The following PBX1 variants were observed in gnomAD, a reference collection of about 807,000 sequenced individuals.
PBX1 encodes pre-B-cell leukemia transcription factor 1.
Under a neutral mutation model 53.4 loss-of-function variants are expected in PBX1, and 6 were observed. The ratio of observed to expected loss-of-function variants is 0.11; its 90% CI spans 0.06 to 0.22. PBX1 has a LOEUF of 0.22. Ranked by LOEUF, PBX1 falls within the 10% of genes least tolerant of loss-of-function variation. PBX1 has a pLI of 1.00. For synonymous variants in PBX1, 204 were observed against 212.3 expected, an observed-to-expected ratio of 0.96 and a Z score of 0.34; for missense variants, 251 against 551.4, an observed-to-expected ratio of 0.46 and a Z score of 5.46.
chr1:164,884,944 A>G (rs1374010639), intron 2 of PBX1, among the ~76,000 whole-genome samples: 1 of 152,242 alleles, frequency 6.6e-6, no homozygotes, highest in Non-Finnish European at 1.5e-5. Context: ...TTAAGAAAGC[A>G]AGAGTTGTGC....
intron 2 of PBX1, among the ~76,000 whole-genome samples, chr1:164,780,855 C>A (rs1667901254): frequency 6.6e-6 from 1 of 152,148 alleles, no homozygotes; most frequent in African/African-American, 2.4e-5. Flanking sequence ...TTATTTACTG[C>A]CTCTTGTCCA....
intron 2 of PBX1, among the ~76,000 whole-genome samples, chr1:164,859,553 T>C (rs1034086813): frequency 5.9e-5 from 9 of 152,232 alleles, no homozygotes; most frequent in African/African-American, 2.2e-4. Context: ...ACTCCCTCTT[T>C]GGGACTTTCT....
intron 2 of PBX1, among the ~76,000 whole-genome samples, chr1:164,630,424 G>A (rs976909822): frequency 1.3e-5 from 2 of 152,062 alleles, no homozygotes; most frequent in Admixed American, 1.3e-4. Context: ...TTGACTAGTG[G>A]TTATGCTGTT....
At chr1:164,737,055 G>T (rs1665332969) in intron 2 of PBX1, among the ~76,000 whole-genome samples, 1 of 152,228 alleles carries the variant, frequency 6.6e-6, no homozygotes, top group African/African-American at 2.4e-5. Flanking sequence ...AAAGGTGTGT[G>T]TCTAAGTGGA....
At chr1:164,631,209 T>C (rs1010255488) in intron 2 of PBX1, 1 of 152,224 alleles carries the variant, frequency 6.6e-6, no homozygotes, top group Non-Finnish European at 1.5e-5. Context: ...AGCCACCATC[T>C]GGTTTAGGTG....
chr1:164,594,099 A>G (rs891597176), intron 2 of PBX1, among the ~76,000 whole-genome samples: 1 of 152,054 alleles, frequency 6.6e-6, no homozygotes, highest in Non-Finnish European at 1.5e-5. Flanking sequence ...TCACTTTCCT[A>G]TTTCATCTCA....
intron 2 of PBX1, among the ~76,000 whole-genome samples, chr1:164,571,817 C>T (rs1653874152): frequency 7.6e-6 from 1 of 132,422 alleles, no homozygotes; most frequent in African/African-American, 2.8e-5. Context: ...GCAGTAGGCA[C>T]ATTTTTTAAA....
chr1:164,817,896 G>C (rs1237132204), intron 6 of PBX1: 1 of 152,180 alleles, frequency 6.6e-6, no homozygotes, highest in Non-Finnish European at 1.5e-5. Context: ...GTGGAATCTG[G>C]GTGGTGCCAG....
chr1:164,835,223 G>A (rs1033809462), intron 8 of PBX1, among the ~76,000 whole-genome samples: 1 of 144,764 alleles, frequency 6.9e-6, no homozygotes, highest in Non-Finnish European at 1.5e-5. Context: ...GAACATTTAA[G>A]CTACTTTTGA....
chr1:164,632,853 A>T (rs548657417), intron 2 of PBX1, among the ~76,000 whole-genome samples: 342 of 152,290 alleles, frequency 2.2e-3, no homozygotes, highest in African/African-American at 7.9e-3. Context: ...GGATATAATT[A>T]AGGTGACTCT....
chr1:164,603,038 T>C (rs1656286400), intron 2 of PBX1, among the ~76,000 whole-genome samples: 1 of 152,118 alleles, frequency 6.6e-6, no homozygotes, highest in African/African-American at 2.4e-5. Flanking sequence ...AGCTATTTTT[T>C]CCCCTACCTT....
intron 2 of PBX1, among the ~76,000 whole-genome samples, chr1:164,714,038 G>A (rs539287476): frequency 1.3e-5 from 2 of 152,256 alleles, no homozygotes; most frequent in Non-Finnish European, 2.9e-5. Context: ...AACAGCTCTG[G>A]GGAGGGTTCC....
intron 8 of PBX1, among the ~76,000 whole-genome samples, chr1:164,836,377 GA>G (rs1432328854): frequency 6.6e-6 from 1 of 151,984 alleles, no homozygotes; most frequent in Non-Finnish European, 1.5e-5. Context: ...TCTTTAAAAA[GA>G]AAAAAATTAA....
intron 2 of PBX1, among the ~76,000 whole-genome samples, chr1:164,761,279 T>C (rs1666798612): frequency 6.6e-6 from 1 of 152,224 alleles, no homozygotes; most frequent in African/African-American, 2.4e-5. Flanking sequence ...ATTATGCAAA[T>C]TTATGAGTAT....
intron 8 of PBX1, among the ~76,000 whole-genome samples, chr1:164,845,234 G>A (rs1042795239): frequency 3.3e-5 from 5 of 151,568 alleles, no homozygotes; most frequent in Non-Finnish European, 7.4e-5. Context: ...AATGGAGCCC[G>A]AATTCAAAGA....
intron 2 of PBX1, among the ~76,000 whole-genome samples, chr1:164,579,323 C>T (rs964973392): frequency 2.1e-4 from 32 of 151,528 alleles, no homozygotes; most frequent in Non-Finnish European, 3.4e-4. Flanking sequence ...TCATGCTTAG[C>T]GTCATCTTTC....
In PBX1 at chr1:164,850,240, A is replaced by G. The variant is rs1304300716; in HGVS notation, c.*3564A>G. ...CCTCATTTTTCTTTTATTTTCTTGC[A>G]TTTGTGAATTAGTTCAAGAATGCTA... On this transcript the variant is annotated 3_prime_UTR_variant, in exon 9 of 9. Transcript: ENST00000420696. 1 of 222,666 alleles carries G rather than the reference A, an allele frequency of 4.5e-6. No individual in the cohort carries two copies. Among genetic ancestry groups the G allele is most frequent in the Non-Finnish European group, 8.9e-6 (1 of 111,876 alleles). The allele number at this position is 222,666 out of a possible 1,614,324, so 13.8% of individuals were successfully genotyped here.
intron 2 of PBX1, among the ~76,000 whole-genome samples, chr1:164,624,442 C>G (rs1211306727): frequency 4.6e-5 from 7 of 152,168 alleles, no homozygotes; most frequent in Non-Finnish European, 1.5e-5. Context: ...CATTTTCTCT[C>G]AATGAAAGAA....
intron 2 of PBX1, among the ~76,000 whole-genome samples, chr1:164,698,270 A>G (rs1268261873): frequency 6.6e-6 from 1 of 152,132 alleles, no homozygotes; most frequent in African/African-American, 2.4e-5. Context: ...TTAGAAGTTC[A>G]TTTTGACTGC....
Sources: allele counts gnomAD v4.1 joint callset (sites outside exome capture counted in the v4.1 genomes callset), GRCh38; gene constraint gnomAD v4.1.1; transcripts MANE v1.5; gene names NCBI Gene and HGNC (gene_info 2026-07-23, HGNC 2026-07-21).